FGF13: variants seen among roughly 807,000 people sequenced by gnomAD.
FGF13 encodes fibroblast growth factor 13.
In FGF13, 2 loss-of-function variants were observed where a neutral mutation model predicts 19.5. That is an observed-to-expected ratio of 0.10 (90% CI 0.04 to 0.32). The LOEUF is 0.32. FGF13 is among the 10% of genes least tolerant of loss of function. The pLI, the probability that FGF13 is intolerant of heterozygous loss-of-function variation, is 1.00. For missense variants in FGF13, 113 were observed against 192.7 expected, an observed-to-expected ratio of 0.59 and a Z score of 2.45; for synonymous variants, 72 against 76.9, an observed-to-expected ratio of 0.94 and a Z score of 0.33.
At chrX:138,925,606 C>T (rs2091668862) in intron 1 of FGF13, among the ~76,000 whole-genome samples, 1 of 111,284 alleles carries the variant, frequency 9.0e-6, no homozygotes, top group African/African-American at 3.3e-5. Context: ...GCAGCTGTGG[C>T]TCTCCCTCCA....
chrX:138,914,621 G>A (rs1413108678), intron 1 of FGF13, among the ~76,000 whole-genome samples: 1 of 92,556 alleles, frequency 1.1e-5, no homozygotes, highest in Non-Finnish European at 2.1e-5. Context: ...CACTAGTTTC[G>A]AAGCTTGTGT....
chrX:138,955,077 T>C (rs1336074109), intron 1 of FGF13, among the ~76,000 whole-genome samples: 1 of 112,701 alleles, frequency 8.9e-6, no homozygotes, highest in African/African-American at 3.2e-5. Flanking sequence ...GACTATCCCC[T>C]AGATCTCCTC....
intron 1 of FGF13, among the ~76,000 whole-genome samples, chrX:138,727,115 C>G (rs1399094476): frequency 9.0e-6 from 1 of 110,577 alleles, no homozygotes. Context: ...CTCAGAAAGA[C>G]TAACTTGCCC....
intron 2 of FGF13, among the ~76,000 whole-genome samples, chrX:138,862,670 T>A (rs1291452659): frequency 8.9e-6 from 1 of 112,115 alleles, no homozygotes; most frequent in Admixed American, 9.5e-5. Context: ...TATCTCTATA[T>A]AAGATTTAAG....
At chrX:138,845,411 C>T (rs996921759) in intron 3 of FGF13, among the ~76,000 whole-genome samples, 2 of 111,518 alleles carry the variant, frequency 1.8e-5, no homozygotes, top group Admixed American at 1.9e-4. Flanking sequence ...AGCAAATGGC[C>T]GTTGAACACA....
rs540704506 is a variant in FGF13 at position 138,752,191 on chromosome X, C to T, written c.218-43263G>A. Among the ~76,000 whole-genome samples the T allele has an allele frequency of 5.1e-4, 57 of 111,470 alleles. 1 individual carries two copies. The highest frequency in any genetic ancestry group is 3.9e-3 in the South Asian group (10 of 2,583). The stretch of plus-strand genomic sequence containing the variant: ...CCTGTAATCCCAACACTTTGGGAGG[C>T]GGAGGCGGGCAGATCACCTGAGGTC... On this transcript the variant is annotated intron_variant, in intron 3 of 6. Coordinates refer to the FGF13 transcript ENST00000436198.
At chrX:139,102,488 T>C (rs1389027262) in intron 1 of FGF13, among the ~76,000 whole-genome samples, 1 of 112,040 alleles carries the variant, frequency 8.9e-6, no homozygotes, top group Non-Finnish European at 1.9e-5. Flanking sequence ...TTATTTAGGA[T>C]CTCTGAGTCT....
At chrX:139,082,220 T>A (rs2083375053) in intron 1 of FGF13, among the ~76,000 whole-genome samples, 1 of 111,272 alleles carries the variant, frequency 9.0e-6, no homozygotes, top group Non-Finnish European at 1.9e-5. Flanking sequence ...TAGAGTGCTG[T>A]TCCCTCAGAT....
intron 3 of FGF13, among the ~76,000 whole-genome samples, chrX:138,639,656 C>T (rs1331984573): frequency 9.0e-6 from 1 of 111,717 alleles, no homozygotes; most frequent in African/African-American, 3.3e-5. Context: ...ATGTCTATTT[C>T]TCTTGCAGTT....
intron 1 of FGF13, among the ~76,000 whole-genome samples, chrX:139,015,060 C>G (rs1413207360): frequency 9.0e-6 from 1 of 111,003 alleles, no homozygotes; most frequent in Non-Finnish European, 1.9e-5. Flanking sequence ...ATAGAAGGAA[C>G]ATATCTCAAC....
At chrX:138,834,333 A>G (rs2091095724) in intron 3 of FGF13, among the ~76,000 whole-genome samples, 1 of 111,164 alleles carries the variant, frequency 9.0e-6, no homozygotes, top group Admixed American at 9.6e-5. Context: ...GGAACCTGCT[A>G]TTGGTCTGTT....
chrX:138,763,084 C>G (rs927337336), intron 3 of FGF13, among the ~76,000 whole-genome samples: 1 of 110,470 alleles, frequency 9.1e-6, no homozygotes, highest in Non-Finnish European at 1.9e-5. Context: ...TAGCTCACAG[C>G]AAACTTGGGA....
intron 1 of FGF13, among the ~76,000 whole-genome samples, chrX:138,724,511 G>A (rs892087775): frequency 8.9e-6 from 1 of 111,910 alleles, no homozygotes; most frequent in Admixed American, 9.5e-5. Context: ...AAAAGGAGGA[G>A]TTAGCAAAGA....
chrX:138,766,319 T>G (rs1024855026), intron 3 of FGF13, among the ~76,000 whole-genome samples: 7 of 112,179 alleles, frequency 6.2e-5, no homozygotes, highest in African/African-American at 2.3e-4. Flanking sequence ...CTCTGTGATG[T>G]GCTCTTGCTA....
intron 3 of FGF13, among the ~76,000 whole-genome samples, chrX:138,685,009 G>T (rs1181340840): frequency 8.9e-6 from 1 of 111,863 alleles, no homozygotes; most frequent in African/African-American, 3.2e-5. Flanking sequence ...ACACCTGAAA[G>T]GAAAATGAAC....
chrX:139,064,835 A>G (rs1279907221), intron 1 of FGF13, among the ~76,000 whole-genome samples: 1 of 111,511 alleles, frequency 9.0e-6, no homozygotes, highest in Non-Finnish European at 1.9e-5. Context: ...GTCTTTTCAC[A>G]TAGTCCCAAA....
chrX:139,100,704 TACC>T (rs2083506045), intron 1 of FGF13, among the ~76,000 whole-genome samples: 1 of 111,613 alleles, frequency 9.0e-6, no homozygotes, highest in Non-Finnish European at 1.9e-5. Context: ...TTGTAATAAT[TACC>T]ACTTTCTTGA....
chrX:138,803,068 G>C lies in FGF13; in HGVS notation c.217+54444C>G, dbSNP rs761946714. ...TCCACGCCAACACCAAGTTCTCCTG[G>C]AACTTTTTACCCAATTATTCCTGCA... is the stretch of plus-strand genomic sequence containing the variant. On this transcript the variant is annotated intron_variant, in intron 3 of 6. Coordinates refer to the FGF13 transcript ENST00000436198. Among the ~76,000 whole-genome samples the C allele has an allele frequency of 2.0e-3, 220 of 111,565 alleles. 2 individuals carry two copies. The highest frequency in any genetic ancestry group is 6.9e-3 in the African/African-American group (213 of 30,713).
At chrX:139,080,655 G>T (rs757240254) in intron 1 of FGF13, among the ~76,000 whole-genome samples, 23 of 111,684 alleles carry the variant, frequency 2.1e-4, no homozygotes, top group South Asian at 1.1e-3. Flanking sequence ...TAAACTGAAG[G>T]CCTCATACCC....
Sources: allele counts gnomAD v4.1 joint callset (sites outside exome capture counted in the v4.1 genomes callset), GRCh38; gene constraint gnomAD v4.1.1; transcripts MANE v1.5; gene names NCBI Gene and HGNC (gene_info 2026-07-23, HGNC 2026-07-21).